Variants in SNX32 observed in about 807,000 individuals in gnomAD.
SNX32 encodes sorting nexin-32.
Under a neutral mutation model 57.0 loss-of-function variants are expected in SNX32, and 58 were observed. That is an observed-to-expected ratio of 1.02 (90% confidence interval 0.82 to 1.27). SNX32 has a LOEUF of 1.27. Among genes scored for constraint, SNX32 ranks in the 50% most tolerant of loss-of-function variants. The pLI is 0.00. For missense variants in SNX32, 589 were observed against 541.2 expected, an observed-to-expected ratio of 1.09 and a Z score of -0.88; for synonymous variants, 262 against 220.4, an observed-to-expected ratio of 1.19 and a Z score of -1.67.
chr11:65,835,156 GAGAA>G (rs1342289907), intron 1 of SNX32, among the ~76,000 whole-genome samples: 1 of 152,136 alleles, frequency 6.6e-6, no homozygotes, highest in Admixed American at 6.6e-5. Context: ...GCGCAAGTGA[GAGAA>G]AGGAGACTTG....
chr11:65,852,937 G>A lies in SNX32; in HGVS notation c.1137G>A (p.Glu379=), dbSNP rs1292764812. Residue 379 remains glutamate (E), a synonymous_variant, in exon 12 of 13, where the codon GAG becomes GAA. Transcript: ENST00000308342. Reference sequence around the variant, plus strand: ...GAAAGAATCTCATTGAGCTGGCAGAGCTGGAGCTCAAACACGCCAAGGTGA... The same window carrying A: ...GAAAGAATCTCATTGAGCTGGCAGAACTGGAGCTCAAACACGCCAAGGTGA... The part of the protein sequence containing the change: ...SFRKNLIELA[E]LELKHAKAST... 1.2e-6 allele frequency: 2 copies of A among 1,614,012 alleles called. No individual in the cohort carries two copies. Among genetic ancestry groups the A allele is most frequent in the African/African-American group, 1.3e-5 (1 of 74,898 alleles).
chr11:65,840,028 G>A (rs1455732689), intron 1 of SNX32, among the ~76,000 whole-genome samples: 1 of 152,042 alleles, frequency 6.6e-6, no homozygotes, highest in Non-Finnish European at 1.5e-5. Context: ...GGTAGTGCAT[G>A]CCTGTAATCC....
In SNX32 at chr11:65,852,913, A is replaced by G; in HGVS notation, c.1113A>G (p.Arg371=). ...AGTCCCGCCGGGTCTCCTCTTTTCG[A>G]AAGAATCTCATTGAGCTGGCAGAGC... ...DFKSRRVSSF[R]KNLIELAELE... Residue 371 remains arginine (R), a synonymous_variant, in exon 12 of 13, where the codon CGA becomes CGG. Transcript: ENST00000308342. 1 of 1,613,928 alleles carries G rather than the reference A, an allele frequency of 6.2e-7. No homozygotes were observed. Among genetic ancestry groups the G allele is most frequent in the Non-Finnish European group, 8.5e-7 (1 of 1,179,978 alleles).
intron 1 of SNX32, among the ~76,000 whole-genome samples, chr11:65,845,708 G>C (rs1201761897): frequency 6.6e-6 from 1 of 152,006 alleles, no homozygotes; most frequent in Admixed American, 6.6e-5. Context: ...TTACACTCCA[G>C]CTTGGTCAAC....
At position 65,849,915 on chromosome 11, in the gene SNX32, T is replaced by C. The variant is rs1565252268; in HGVS notation, c.142-5T>C. On this transcript the variant is annotated splice_region_variant and splice_polypyrimidine_tract_variant and intron_variant, in intron 2 of 12. Transcript: ENST00000308342. The stretch of plus-strand genomic sequence containing the variant: ...GAGGACCTCAGTTGGCCTTCCCGCT[T>C]CCAGAGCTGCCTCCCTCACTTCGCC... 1 of 1,557,768 alleles carries C rather than the reference T, an allele frequency of 6.4e-7. No homozygotes were observed. Among genetic ancestry groups the C allele is most frequent in the African/African-American group, 1.4e-5 (1 of 73,584 alleles).
intron 1 of SNX32, among the ~76,000 whole-genome samples, chr11:65,839,040 G>A (rs1297465454): frequency 1.3e-5 from 2 of 150,752 alleles, no homozygotes; most frequent in Non-Finnish European, 3.0e-5. Context: ...AAGAAAATAA[G>A]TAATTATTAT....
intron 1 of SNX32, among the ~76,000 whole-genome samples, chr11:65,845,276 A>G (rs962165359): frequency 1.7e-4 from 26 of 151,624 alleles, no homozygotes; most frequent in African/African-American, 6.3e-4. Context: ...CGTCTCTACT[A>G]AAAAATACAA....
rs534577036 is a variant in SNX32 at position 65,848,916 on chromosome 11, G to T, written c.37-562G>T. 7.9e-5 allele frequency among the ~76,000 whole-genome samples: 12 copies of T among 152,266 alleles called. No homozygotes were observed. The East Asian group carries it at 1.9e-3, about 24-fold the overall frequency. Reference sequence around the variant, plus strand: ...TCAGCACTTTGGGACGCCAAGGCAGGTGGATCACTTGAGGTCAGGAGTTTG... The same window carrying T: ...TCAGCACTTTGGGACGCCAAGGCAGTTGGATCACTTGAGGTCAGGAGTTTG... On this transcript the variant is annotated intron_variant, in intron 1 of 12. Coordinates refer to ENST00000308342, the MANE Select transcript of SNX32 (RefSeq NM_152760.3).
intron 9 of SNX32, among the ~76,000 whole-genome samples, chr11:65,852,201 A>G (rs1859220755): frequency 6.6e-6 from 1 of 151,826 alleles, no homozygotes; most frequent in African/African-American, 2.4e-5. Context: ...TCCCTGAACT[A>G]AAGTTTCCCT....
chr11:65,851,616 A>C, intron 8 of SNX32, 24 bp from the exon 9 acceptor site: 1 of 1,613,832 alleles, frequency 6.2e-7, no homozygotes, highest in Non-Finnish European at 8.5e-7. Context: ...CCCCTACCCT[A>C]ACTCCCTCCC....
chr11:65,852,262 C>T (rs1345155362), intron 9 of SNX32, among the ~76,000 whole-genome samples: 1 of 152,092 alleles, frequency 6.6e-6, no homozygotes, highest in Non-Finnish European at 1.5e-5. Flanking sequence ...GCCCTCTGTC[C>T]AGCTCTTACT....
Position 65,853,537 on chromosome 11 carries a change from G to A in SNX32, c.*202G>A, listed in dbSNP as rs925446327. ...GGCCCTGCAAGACACAGGGCAGCAT[G>A]GGCATCATAACTGGCCACAGTCAGC... On this transcript the variant is annotated 3_prime_UTR_variant, in exon 13 of 13. Transcript: ENST00000308342. 9.9e-6 allele frequency: 6 copies of A among 608,780 alleles called. No homozygotes were observed. Among genetic ancestry groups the A allele is most frequent in the Middle Eastern group, 4.3e-4 (1 of 2,344 alleles). The allele number at this position is 608,780 out of a possible 1,614,324, so 37.7% of individuals were successfully genotyped here.
At chr11:65,843,776 A>C (rs868339230) in intron 1 of SNX32, among the ~76,000 whole-genome samples, 1 of 152,224 alleles carries the variant, frequency 6.6e-6, no homozygotes, top group South Asian at 2.1e-4. Context: ...TCAAAGGCAA[A>C]CTATAGACTA....
intron 1 of SNX32, among the ~76,000 whole-genome samples, chr11:65,847,402 C>T (rs927223683): frequency 1.3e-5 from 2 of 152,216 alleles, no homozygotes; most frequent in Non-Finnish European, 2.9e-5. Context: ...GAGCCCAGCT[C>T]ATCACGGAGG....
chr11:65,853,133 C>A, intron 12 of SNX32, 149 bp from the exon 13 acceptor site: 1 of 1,315,768 alleles, frequency 7.6e-7, no homozygotes, highest in Non-Finnish European at 1.1e-6. Flanking sequence ...GCTCAGGACC[C>A]GTGCCTTCTG....
chr11:65,841,393 C>A (rs906447905), intron 1 of SNX32, among the ~76,000 whole-genome samples: 3 of 152,178 alleles, frequency 2.0e-5, no homozygotes, highest in Non-Finnish European at 2.9e-5. Flanking sequence ...TTTGCCACCA[C>A]ACCTGGCTAA....
At chr11:65,842,600 C>T (rs1048128209) in intron 1 of SNX32, among the ~76,000 whole-genome samples, 2 of 151,904 alleles carry the variant, frequency 1.3e-5, no homozygotes, top group Non-Finnish European at 2.9e-5. Flanking sequence ...CTGCAGTGAG[C>T]CAAGATCGTG....
chr11:65,839,246 T>TTTTTTTTTTTTTTTTTTTTTTTTG (rs1858766087), intron 1 of SNX32, among the ~76,000 whole-genome samples: 3 of 82,806 alleles, frequency 3.6e-5, no homozygotes, highest in Admixed American at 1.4e-4. Context: ...TTTTTTTTTT[T>TTTTTTTTTTTTTTTTTTTTTTTTG]TGAGACGGAG....
intron 1 of SNX32, 128 bp from the exon 2 acceptor site, chr11:65,849,350 G>A (rs532318433): frequency 8.6e-5 from 60 of 701,114 alleles, no homozygotes; most frequent in African/African-American, 7.6e-4. Flanking sequence ...ACCCCTCTCT[G>A]GTGACCTGGG....
Sources: gnomAD v4.1 joint callset for allele counts (sites outside exome capture counted in the v4.1 genomes callset) on GRCh38, gnomAD v4.1.1 for gene constraint, MANE v1.5 for transcripts, NCBI Gene and HGNC (gene_info 2026-07-23, HGNC 2026-07-21) for gene names.